Variants in COL3A1 observed in about 807,000 individuals in gnomAD.
The protein encoded by COL3A1 is collagen type III alpha 1 chain.
Under a neutral mutation model 200.9 loss-of-function variants are expected in COL3A1, and 46 were observed. That is an observed-to-expected ratio of 0.23 (90% CI 0.18 to 0.29). COL3A1 has a LOEUF of 0.29. COL3A1 is among the 10% of genes least tolerant of loss of function. The probability of loss-of-function intolerance (pLI) is 1.00; values close to 1 mark genes in which losing one functional copy is unlikely to be tolerated. For missense variants in COL3A1, 1,367 were observed against 1,917.6 expected (o/e 0.71, Z 5.36); for synonymous variants, 650 against 628.0 (o/e 1.03, Z -0.52).
At chr2:189,010,145 A>G in intron 48 of COL3A1, 33 bp from the exon 49 acceptor site, 4 of 1,608,354 alleles carry the variant, frequency 2.5e-6, no homozygotes, top group Non-Finnish European at 3.4e-6. Flanking sequence ...TGGATTTTAT[A>G]ACCAATTCCC....
intron 24 of COL3A1, 140 bp from the exon 25 acceptor site, chr2:188,997,025 G>A (rs1272201459): frequency 5.1e-6 from 1 of 194,336 alleles, no homozygotes; most frequent in South Asian, 4.4e-5. Context: ...ATATATATAT[G>A]AGACATATAT....
In COL3A1 at chr2:188,990,441, T is replaced by G. The variant is rs1201986666; in HGVS notation, c.798+81T>G. 4.6e-6 allele frequency: 5 copies of G among 1,078,584 alleles called. No individual in the cohort carries two copies. In the Admixed American group the frequency reaches 9.0e-5, roughly 19 times the overall value. 66.8% of individuals were successfully genotyped at this position (1,078,584 alleles called of 1,614,324 possible). A position where few individuals can be genotyped will look rare whatever the true frequency, so the allele number is the denominator to read the frequency against. ...CCTAACCAATTTTACTGGACAATTA[T>G]GTGCCAAAAAATATGATTCTGACAA... On this transcript the variant is annotated intron_variant, in intron 10 of 50. Transcript: ENST00000304636.
At position 188,991,047 on chromosome 2, in the gene COL3A1, C is replaced by A. The variant is rs794728039; in HGVS notation, c.842C>A (p.Pro281His). The A allele has an allele frequency of 7.4e-6, 12 of 1,613,116 alleles. No homozygotes were observed. The highest frequency in any genetic ancestry group is 8.5e-6 in the Non-Finnish European group (10 of 1,179,458). Residue 281 changes from proline (P) to histidine (H), a missense_variant, in exon 11 of 51, where the codon CCT becomes CAT. Physicochemically the swap from Pro to His is moderately conservative, Grantham distance 77. Coordinates refer to ENST00000304636, the MANE Select transcript of COL3A1 (RefSeq NM_000090.4). ...RNGEKGETGA[P>H]GLKGENGLPG... is the part of the protein sequence containing the mutation. ...GGAGAAAAGGGTGAAACAGGTGCTC[C>A]TGGATTAAAGGTAAATCACAACAAA...
intron 11 of COL3A1, 133 bp downstream of exon 11, chr2:188,991,190 G>A (rs1234566644): frequency 1.1e-6 from 1 of 903,050 alleles, no homozygotes; most frequent in Non-Finnish European, 1.7e-6. Flanking sequence ...TGTGAATAAT[G>A]GTAACCAATT....
chr2:188,989,620 G>A (rs979178697), intron 8 of COL3A1, among the ~76,000 whole-genome samples, 171 bp downstream of exon 8: 12 of 151,994 alleles, frequency 7.9e-5, no homozygotes, highest in East Asian at 1.9e-4. Context: ...CAGTATTTGC[G>A]TTTCTATATA....
Position 189,001,389 on chromosome 2 carries a change from T to A in COL3A1, c.2284-8T>A, listed in dbSNP as rs1348840051. ...TTCAAAATTAAAAAATATTTTTATT[T>A]CCTCTAGGGTCCTACTGGTCCTATT... On this transcript the variant is annotated splice_region_variant and splice_polypyrimidine_tract_variant and intron_variant, in intron 32 of 50. Transcript: ENST00000304636. 1 of 1,612,790 alleles carries A rather than the reference T, an allele frequency of 6.2e-7. No individual in the cohort carries two copies. The highest frequency in any genetic ancestry group is 1.1e-5 in the South Asian group (1 of 90,902).
chr2:188,991,711 C>G lies in COL3A1; in HGVS notation c.940C>G (p.Pro314Ala), dbSNP rs1487765753. Reference sequence around the variant, plus strand: ...TGGTGAGCGAGGACGGCCAGGACTTCCTGGGGCTGCAGTGAGTATAGCTGC... The same window carrying G: ...TGGTGAGCGAGGACGGCCAGGACTTGCTGGGGCTGCAGTGAGTATAGCTGC... ...APGERGRPGL[P>A]GAAGARGNDG... Residue 314 changes from proline (P) to alanine (A), a missense_variant, in exon 13 of 51, where the codon CCT (proline) becomes GCT (alanine). Around this residue, in one of 5 missense-constraint regions of COL3A1, gnomAD observed 462 missense variants for 681.4 expected, o/e 0.68. Transcript: ENST00000304636. 1.2e-6 allele frequency: 2 copies of G among 1,613,846 alleles called. No individual in the cohort carries two copies.
In COL3A1 at chr2:188,995,987, C is replaced by T. The variant is rs1478935604; in HGVS notation, c.1609-138C>T. On this transcript the variant is annotated intron_variant, in intron 22 of 50. Transcript: ENST00000304636. ...GAAGATAGAACACTTGCCTTAGATA[C>T]TTTATAGACAGGAAAAAAGATGTGC... 5.2e-6 allele frequency: 5 copies of T among 959,434 alleles called. No individual in the cohort carries two copies. In the South Asian group the frequency reaches 5.9e-5, roughly 11 times the overall value. 59.4% of individuals were successfully genotyped at this position (959,434 alleles called of 1,614,324 possible). A position where few individuals can be genotyped will look rare whatever the true frequency, so the allele number is the denominator to read the frequency against.
At chr2:189,009,977 C>G (rs1488488433) in intron 48 of COL3A1, among the ~76,000 whole-genome samples, 2 of 152,114 alleles carry the variant, frequency 1.3e-5, no homozygotes, top group African/African-American at 4.8e-5. Flanking sequence ...CAAGATGTTG[C>G]ATTTTATTTC....
intron 1 of COL3A1, among the ~76,000 whole-genome samples, chr2:188,980,917 T>G (rs1687939441): frequency 6.6e-6 from 1 of 151,370 alleles, no homozygotes; most frequent in Non-Finnish European, 1.5e-5. Flanking sequence ...ATATCATATC[T>G]GTGATTCTTA....
intron 1 of COL3A1, among the ~76,000 whole-genome samples, chr2:188,975,415 G>A (rs1161304226): frequency 6.6e-6 from 1 of 152,070 alleles, no homozygotes; most frequent in Non-Finnish European, 1.5e-5. Flanking sequence ...AAACACATTT[G>A]TCTCATTATT....
At chr2:188,989,004 A>G (rs1199578713) in intron 7 of COL3A1, among the ~76,000 whole-genome samples, 1 of 151,838 alleles carries the variant, frequency 6.6e-6, no homozygotes, top group East Asian at 1.9e-4. Context: ...ATACATATAC[A>G]TATATCTTAG....
At position 188,997,707 on chromosome 2, in the gene COL3A1, G is replaced by A. The variant is rs1288660575; in HGVS notation, c.1877G>A (p.Gly626Asp). 1 of 1,613,602 alleles carries A rather than the reference G, an allele frequency of 6.2e-7. No homozygotes were observed. Among genetic ancestry groups the A allele is most frequent in the Non-Finnish European group, 8.5e-7 (1 of 1,179,694 alleles). Residue 626 changes from glycine (G) to aspartate (D), a missense_variant, in exon 27 of 51, where the codon GGT (glycine) becomes GAT (aspartate). Transcript: ENST00000304636. Reference protein sequence around the residue: ...PQGPPGPTGPGGDKGDTGPPG... With the variant: ...PQGPPGPTGPDGDKGDTGPPG... The stretch of plus-strand genomic sequence containing the variant: ...ATCATTATACTTTTCTAGGGGCCTG[G>A]TGGTGACAAAGGAGACACAGGACCC...
chr2:188,992,227 C>T lies in COL3A1; in HGVS notation c.995C>T (p.Pro332Leu). Residue 332 changes from proline to leucine, a missense_variant and splice_region_variant, in exon 14 of 51, where the codon CCA (proline) becomes CTA (leucine). By Grantham distance (98) the Pro-to-Leu change is moderately conservative. Coordinates refer to ENST00000304636, the MANE Select transcript of COL3A1 (RefSeq NM_000090.4). ...NDGARGSDGQ[P>L]GPPGPPGTAG... Reference sequence around the variant, plus strand: ...GGTGCTCGAGGCAGTGATGGTCAACCAGTAAGTAACTTTCTATCTCTTATG... The same window carrying T: ...GGTGCTCGAGGCAGTGATGGTCAACTAGTAAGTAACTTTCTATCTCTTATG... 2 of 1,613,622 alleles carry T rather than the reference C, an allele frequency of 1.2e-6. No individual in the cohort carries two copies. Among genetic ancestry groups the T allele is most frequent in the Non-Finnish European group, 1.7e-6 (2 of 1,179,780 alleles).
At chr2:188,991,373 A>G in intron 11 of COL3A1, 114 bp from the exon 12 acceptor site, 2 of 704,186 alleles carry the variant, frequency 2.8e-6, no homozygotes. Context: ...AATATTGTTA[A>G]AATGTATATC....
At chr2:188,990,053 T>C (rs760400735) in intron 8 of COL3A1, 43 bp from the exon 9 acceptor site, 19 of 1,574,514 alleles carry the variant, frequency 1.2e-5, no homozygotes, top group African/African-American at 2.7e-5. Flanking sequence ...CAATGTATTT[T>C]CTCATACATG....
intron 32 of COL3A1, among the ~76,000 whole-genome samples, chr2:189,000,982 A>C (rs940454720): frequency 9.2e-5 from 14 of 152,204 alleles, no homozygotes; most frequent in Non-Finnish European, 1.5e-5. Flanking sequence ...ATATAAGTAA[A>C]ACTACTATTT....
intron 8 of COL3A1, among the ~76,000 whole-genome samples, 178 bp downstream of exon 8, chr2:188,989,627 TA>T (rs1688137834): frequency 6.6e-6 from 1 of 152,310 alleles, no homozygotes; most frequent in East Asian, 1.9e-4. Context: ...TGCGTTTCTA[TA>T]TATATCATTT....
Position 188,994,877 on chromosome 2 carries a change from A to T in COL3A1, c.1455+46A>T, listed in dbSNP as rs1229764210. 6.2e-7 allele frequency: 1 copy of T among 1,603,584 alleles called. No homozygotes were observed. The highest frequency in any genetic ancestry group is 8.5e-7 in the Non-Finnish European group (1 of 1,171,642). ...CTAAAAGAAAAGCAGCATCACTGTC[A>T]TCTAAATAAAACTACCTTCAGGGTG... On this transcript the variant is annotated intron_variant, in intron 20 of 50. Coordinates refer to ENST00000304636, the MANE Select transcript of COL3A1 (RefSeq NM_000090.4). This position sits in a 1 kb window ranked among gnomAD's most constrained non-coding sequence, Gnocchi z 4.5.
Sources: allele counts gnomAD v4.1 joint callset (sites outside exome capture counted in the v4.1 genomes callset), GRCh38; gene constraint gnomAD v4.1.1; regional missense constraint gnomAD v4.1.1; non-coding constraint Gnocchi (gnomAD v3.1); transcripts MANE v1.5; gene names NCBI Gene and HGNC (gene_info 2026-07-23, HGNC 2026-07-21).